The following KAZN variants were observed in gnomAD, a reference collection of about 807,000 sequenced individuals.
The protein encoded by KAZN is kazrin, periplakin interacting protein, also known as kazrin.
In KAZN, 40 loss-of-function variants were observed where a neutral mutation model predicts 87.4. That is an observed-to-expected ratio of 0.46 (90% confidence interval 0.36 to 0.60). The LOEUF is 0.60. Among genes scored for constraint, KAZN ranks in the 20% least tolerant of loss-of-function variants. The pLI is 0.00. For missense variants in KAZN, 898 were observed against 1,073.9 expected (o/e 0.84, Z 2.29); for synonymous variants, 466 against 458.3 (o/e 1.02, Z -0.22).
chr1:14,384,576 T>A (rs1382400835), intron 2 of KAZN, among the ~76,000 whole-genome samples: 1 of 152,200 alleles, frequency 6.6e-6, no homozygotes, highest in East Asian at 1.9e-4. Flanking sequence ...GAGATAATCA[T>A]GTGGTTTTTG....
At chr1:14,597,764 T>C (rs1270571229), upstream of KAZN, among the ~76,000 whole-genome samples, 1 of 152,086 alleles carries the variant, frequency 6.6e-6, no homozygotes, top group African/African-American at 2.4e-5. Flanking sequence ...AATTGTCCTA[T>C]TTGCATGGAA....
intron 2 of KAZN, among the ~76,000 whole-genome samples, chr1:14,451,604 GAGAA>G (rs1380665670): frequency 6.6e-6 from 1 of 150,980 alleles, no homozygotes; most frequent in South Asian, 2.1e-4. Flanking sequence ...GAGAGAGAGA[GAGAA>G]AGAGAGAAAG....
intron 2 of KAZN, among the ~76,000 whole-genome samples, chr1:14,218,184 A>G (rs934825329): frequency 6.6e-6 from 1 of 152,166 alleles, no homozygotes; most frequent in Non-Finnish European, 1.5e-5. Flanking sequence ...CTAATTCTTG[A>G]ATCCCCTGTG....
At chr1:14,804,270 G>A (rs1406232618) in intron 1 of KAZN, among the ~76,000 whole-genome samples, 1 of 152,234 alleles carries the variant, frequency 6.6e-6, no homozygotes, top group Non-Finnish European at 1.5e-5. Context: ...CAGAGGATCT[G>A]GCAGAGCTCC....
chr1:14,803,552 G>C (rs1646108320), intron 1 of KAZN, among the ~76,000 whole-genome samples: 1 of 152,228 alleles, frequency 6.6e-6, no homozygotes, highest in South Asian at 2.1e-4. Context: ...CGAGTGCTCA[G>C]CCCCGCCCTG....
At chr1:14,255,684 T>C (rs1650453677) in intron 2 of KAZN, among the ~76,000 whole-genome samples, 1 of 152,254 alleles carries the variant, frequency 6.6e-6, no homozygotes, top group African/African-American at 2.4e-5. Context: ...GGTGCAGTAC[T>C]TACAACCTGT....
At chr1:14,194,202 C>T (rs190871455) in intron 2 of KAZN, among the ~76,000 whole-genome samples, 19 of 152,166 alleles carry the variant, frequency 1.2e-4, no homozygotes, top group Admixed American at 7.2e-4. Context: ...CTTTAGAGGA[C>T]GCATGGGGGC....
intron 1 of KAZN, among the ~76,000 whole-genome samples, chr1:14,766,979 G>T (rs1277075752): frequency 6.6e-6 from 1 of 152,078 alleles, no homozygotes; most frequent in Non-Finnish European, 1.5e-5. Context: ...CCAAATCAAT[G>T]GTGGGGAGTG....
chr1:14,868,090 C>T (rs565482919), intron 1 of KAZN, among the ~76,000 whole-genome samples: 7 of 105,236 alleles, frequency 6.7e-5, no homozygotes, highest in South Asian at 3.5e-4. Context: ...CACATACGCA[C>T]GGTATCACAT....
rs1638292685 is a variant in KAZN at position 15,056,505 on chromosome 1, T to C, written c.916+225T>C. 6.6e-6 allele frequency among the ~76,000 whole-genome samples: 1 copy of C among 152,092 alleles called. No homozygotes were observed. Among genetic ancestry groups the C allele is most frequent in the African/African-American group, 2.4e-5 (1 of 41,442 alleles). On this transcript the variant is annotated intron_variant, in intron 5 of 14. Transcript: ENST00000376030. This position sits in a 1 kb window ranked among gnomAD's most constrained non-coding sequence, Gnocchi z 5.4. ...GGGTCCCTCTGACCGTCTCTCCATC[T>C]CTTAGCTCTGCCCACCTCCTTTTGG... is the stretch of plus-strand genomic sequence containing the variant.
chr1:15,041,766 C>T (rs1227923268), intron 3 of KAZN, among the ~76,000 whole-genome samples: 1 of 152,090 alleles, frequency 6.6e-6, no homozygotes, highest in African/African-American at 2.4e-5. Context: ...CCACCACCCC[C>T]AACCCCCTTC....
chr1:14,165,413 G>T (rs1486053606), intron 1 of KAZN, among the ~76,000 whole-genome samples: 3 of 151,948 alleles, frequency 2.0e-5, no homozygotes, highest in Non-Finnish European at 2.9e-5. Context: ...CCTTTTCCAC[G>T]TTTGGGCTCT....
intron 2 of KAZN, among the ~76,000 whole-genome samples, chr1:14,261,064 A>C (rs1000513921): frequency 1.3e-5 from 2 of 152,230 alleles, no homozygotes; most frequent in Non-Finnish European, 2.9e-5. Flanking sequence ...AGGAAGACAG[A>C]AGTTAAGACG....
intron 2 of KAZN, among the ~76,000 whole-genome samples, chr1:14,420,554 G>A (rs911190249): frequency 5.3e-5 from 8 of 152,326 alleles, no homozygotes; most frequent in Middle Eastern, 3.4e-3. Flanking sequence ...GGAGCAAGGG[G>A]TGCGCTCGTC....
At chr1:14,861,549 C>T (rs536769053) in intron 1 of KAZN, among the ~76,000 whole-genome samples, 32 of 152,148 alleles carry the variant, frequency 2.1e-4, no homozygotes, top group Non-Finnish European at 2.9e-4. Flanking sequence ...CTGAAGTAGA[C>T]CCTTGCTGTG....
chr1:14,226,950 C>T (rs764630853), intron 2 of KAZN, among the ~76,000 whole-genome samples: 12 of 152,108 alleles, frequency 7.9e-5, no homozygotes, highest in Non-Finnish European at 1.5e-4. Context: ...TTGGGTACTA[C>T]GCTGATAACC....
At chr1:14,142,108 C>CTTTTTTTTT (rs35138469) in intron 1 of KAZN, among the ~76,000 whole-genome samples, 2 of 128,970 alleles carry the variant, frequency 1.6e-5, no homozygotes, top group Non-Finnish European at 1.6e-5. Context: ...CCCTCCTTCC[C>CTTTTTTTTT]TTTTTTTTTT....
intron 1 of KAZN, among the ~76,000 whole-genome samples, chr1:14,073,444 A>C (rs931728719): frequency 1.3e-5 from 2 of 152,162 alleles, no homozygotes; most frequent in Admixed American, 6.5e-5. Flanking sequence ...ATACATGTGC[A>C]GAATGTGCGG....
At chr1:14,325,275 A>G (rs1656329850) in intron 2 of KAZN, among the ~76,000 whole-genome samples, 1 of 152,190 alleles carries the variant, frequency 6.6e-6, no homozygotes, top group African/African-American at 2.4e-5. Flanking sequence ...ACTCCACTGA[A>G]GCAGAGTAGA....
Sources: allele counts gnomAD v4.1 joint callset (sites outside exome capture counted in the v4.1 genomes callset), GRCh38; gene constraint gnomAD v4.1.1; non-coding constraint Gnocchi (gnomAD v3.1); transcripts MANE v1.5; gene names NCBI Gene and HGNC (gene_info 2026-07-23, HGNC 2026-07-21).